Variants in PCDHA10 observed in about 807,000 individuals in gnomAD.
PCDHA10 encodes the protein protocadherin alpha-10.
PCDHA10 carries 45 observed loss-of-function variants against 61.2 expected under a neutral mutation model. That is an observed-to-expected ratio of 0.74 (90% confidence interval 0.58 to 0.94). PCDHA10 has a LOEUF of 0.94. Ranked by LOEUF, PCDHA10 falls within the 40% of genes least tolerant of loss-of-function variation. PCDHA10 has a pLI of 0.00. For missense variants in PCDHA10, 1,278 were observed against 1,236.2 expected (o/e 1.03, Z -0.51); for synonymous variants, 602 against 548.8 (o/e 1.10, Z -1.35).
chr5:140,858,650 T>G, intron 1 of PCDHA10: 2 of 822,762 alleles, frequency 2.4e-6, no homozygotes, highest in South Asian at 3.9e-5. Context: ...GGTACTTAAA[T>G]TTTTTTAAAT....
intron 1 of PCDHA10, among the ~76,000 whole-genome samples, chr5:140,947,543 G>T (rs1013985097): frequency 6.6e-5 from 10 of 151,548 alleles, no homozygotes; most frequent in Non-Finnish European, 1.2e-4. Flanking sequence ...TTTCTACAAA[G>T]AATTCCGCTG....
Position 140,858,116 on chromosome 5 carries a change from G to A in PCDHA10, c.2068G>A (p.Ala690Thr), listed in dbSNP as rs140097524. The A allele has an allele frequency of 1.6e-5, 26 of 1,597,882 alleles. 1 individual carries two copies. The Middle Eastern group carries it at 5.1e-4, about 31-fold the overall frequency. The part of the protein sequence containing the change: ...RASVGVAPEV[A>T]LVDVNVYLII... Reference sequence around the variant, plus strand: ...TTCAGTGGGCGTGGCGCCCGAGGTGGCCCTGGTGGATGTCAACGTGTACCT... The same window carrying A: ...TTCAGTGGGCGTGGCGCCCGAGGTGACCCTGGTGGATGTCAACGTGTACCT... The change falls in exon 1 of 4, where the codon GCC (alanine) becomes ACC (threonine). Residue 690 changes from alanine (A) to threonine (T), a missense_variant. Coordinates refer to ENST00000307360, the MANE Select transcript of PCDHA10 (RefSeq NM_018901.4).
intron 1 of PCDHA10, among the ~76,000 whole-genome samples, chr5:140,925,081 GA>G (rs2082282278): frequency 1.4e-5 from 2 of 146,052 alleles, no homozygotes; most frequent in African/African-American, 2.7e-5. Flanking sequence ...CGCTCATCTG[GA>G]AAGGAAGGAA....
At chr5:140,861,509 G>A (rs2046952597) in intron 1 of PCDHA10, 1 of 479,912 alleles carries the variant, frequency 2.1e-6, no homozygotes, top group Non-Finnish European at 4.3e-6. Context: ...ACCTCGAGGA[G>A]CTGTGTGGGA....
chr5:140,888,606 G>A (rs2061900283), intron 1 of PCDHA10, among the ~76,000 whole-genome samples: 2 of 152,180 alleles, frequency 1.3e-5, no homozygotes, highest in African/African-American at 4.8e-5. Context: ...GCAGCTTTTA[G>A]TGTAGCACTA....
At chr5:140,872,023 C>G (rs1554166000) in intron 1 of PCDHA10, among the ~76,000 whole-genome samples, 1 of 152,226 alleles carries the variant, frequency 6.6e-6, no homozygotes, top group African/African-American at 2.4e-5. Flanking sequence ...TAGCCTGGAA[C>G]TGCTAAGCTC....
intron 1 of PCDHA10, among the ~76,000 whole-genome samples, chr5:140,909,815 C>A (rs1168197798): frequency 3.9e-5 from 6 of 152,094 alleles, no homozygotes; most frequent in Non-Finnish European, 8.8e-5. Flanking sequence ...ACTCCATAAG[C>A]CCCTACTTTA....
At chr5:141,007,306 T>C (rs1050571899) in intron 3 of PCDHA10, among the ~76,000 whole-genome samples, 8 of 151,500 alleles carry the variant, frequency 5.3e-5, no homozygotes, top group Admixed American at 3.3e-4. Context: ...ATCTTAGCAT[T>C]TTGGGAGGCT....
chr5:140,979,060 C>T, intron 2 of PCDHA10, 53 bp downstream of exon 2: 1 of 1,606,180 alleles, frequency 6.2e-7, no homozygotes, highest in Non-Finnish European at 8.5e-7. Context: ...TGGTATGGCT[C>T]AGATAAACTG....
At chr5:140,906,796 T>C (rs1021322398) in intron 1 of PCDHA10, among the ~76,000 whole-genome samples, 1 of 152,236 alleles carries the variant, frequency 6.6e-6, no homozygotes, top group African/African-American at 2.4e-5. Context: ...ATTCCATGCA[T>C]ACTCTTCCTT....
At chr5:140,875,536 G>A (rs2055577552) in intron 1 of PCDHA10, 2 of 1,614,130 alleles carry the variant, frequency 1.2e-6, no homozygotes, top group Non-Finnish European at 1.7e-6. Flanking sequence ...TCTGCTCCTT[G>A]CAGCCTGGGA....
At chr5:140,988,851 C>T (rs2097316213) in intron 3 of PCDHA10, 1 of 152,174 alleles carries the variant, frequency 6.6e-6, no homozygotes, top group Admixed American at 6.5e-5. Context: ...TGAAACCTAT[C>T]CAGTCTCATG....
chr5:140,924,905 AT>A (rs1216976019), intron 1 of PCDHA10, among the ~76,000 whole-genome samples: 1,708 of 55,768 alleles, frequency 0.031, 41 homozygotes, highest in African/African-American at 0.13. Flanking sequence ...AAAAAAAAAA[AT>A]AAAATAAAAT....
At position 140,857,848 on chromosome 5, in the gene PCDHA10, T is replaced by C. The variant is rs781886791; in HGVS notation, c.1800T>C (p.Ser600=). The C allele has an allele frequency of 1.4e-5, 23 of 1,597,666 alleles. No homozygotes were observed. The highest frequency in any genetic ancestry group is 1.9e-5 in the Non-Finnish European group (22 of 1,167,550). The stretch of plus-strand genomic sequence containing the variant: ...AGGTGCGCGCAGTGGACGCTGACTC[T>C]GGATACAACGCGTGGCTGTCGTATG... ...VAKVRAVDAD[S]GYNAWLSYEL... is the part of the protein sequence containing the mutation. Residue 600 remains serine, a synonymous_variant, in exon 1 of 4, where the codon TCT becomes TCC. Coordinates refer to ENST00000307360, the MANE Select transcript of PCDHA10 (RefSeq NM_018901.4).
At chr5:140,907,927 T>C (rs970960629) in intron 1 of PCDHA10, among the ~76,000 whole-genome samples, 14 of 152,220 alleles carry the variant, frequency 9.2e-5, no homozygotes, top group Admixed American at 9.2e-4. Flanking sequence ...GAGAGGTCCA[T>C]TCACATACCT....
intron 1 of PCDHA10, chr5:140,929,227 G>T (rs141300036): frequency 1.2e-6 from 2 of 1,613,774 alleles, no homozygotes; most frequent in Non-Finnish European, 1.7e-6. Context: ...CAATGCTGCC[G>T]ACCTGCGAAA....
In PCDHA10 at chr5:140,857,222, G is replaced by T. The variant is rs373834853; in HGVS notation, c.1174G>T (p.Val392Phe). ...GGTCACCTGCTCTCTGACGCCTCAC[G>T]TTCCGTTCAAGCTGGTGTCCACCTA... ...GQVTCSLTPHVPFKLVSTYKN... is the reference protein window; with the variant it reads ...GQVTCSLTPHFPFKLVSTYKN... Residue 392 changes from valine (V) to phenylalanine (F), a missense_variant, in exon 1 of 4, where the codon GTT (valine) becomes TTT (phenylalanine). Val to Phe is a conservative substitution (Grantham distance 50). Coordinates refer to ENST00000307360, the MANE Select transcript of PCDHA10 (RefSeq NM_018901.4). 4 of 1,598,456 alleles carry T rather than the reference G, an allele frequency of 2.5e-6. No individual in the cohort carries two copies. Among genetic ancestry groups the T allele is most frequent in the African/African-American group, 2.7e-5 (2 of 74,394 alleles).
intron 1 of PCDHA10, among the ~76,000 whole-genome samples, chr5:140,896,855 A>G (rs2065775013): frequency 6.6e-6 from 1 of 152,196 alleles, no homozygotes; most frequent in South Asian, 2.1e-4. Flanking sequence ...TTATGGGTAC[A>G]TAATAAGTGT....
chr5:140,910,869 C>T (rs2153516135), intron 1 of PCDHA10, among the ~76,000 whole-genome samples: 1 of 152,264 alleles, frequency 6.6e-6, no homozygotes, highest in Non-Finnish European at 1.5e-5. Context: ...CCACCATTAT[C>T]CCACACCCTT....
Sources: gnomAD v4.1 joint callset for allele counts (sites outside exome capture counted in the v4.1 genomes callset) on GRCh38, gnomAD v4.1.1 for gene constraint, MANE v1.5 for transcripts, NCBI Gene and HGNC (gene_info 2026-07-23, HGNC 2026-07-21) for gene names.